The following CFAP46 variants were observed in gnomAD, a reference collection of about 807,000 sequenced individuals.
The protein encoded by CFAP46 is cilia and flagella associated protein 46, also known as cilia- and flagella-associated protein 46.
CFAP46 carries 245 observed loss-of-function variants against 325.7 expected under a neutral mutation model. The ratio of observed to expected loss-of-function variants is 0.75; its 90% CI spans 0.68 to 0.84. CFAP46 has a LOEUF of 0.84. Among genes scored for constraint, CFAP46 ranks in the 40% least tolerant of loss-of-function variants. The pLI is 0.00. For synonymous variants in CFAP46, 1,523 were observed against 1,495.9 expected (o/e 1.02, Z -0.42); for missense variants, 3,346 against 3,543.0 (o/e 0.94, Z 1.41).
intron 44 of CFAP46, among the ~76,000 whole-genome samples, chr10:132,843,993 T>C (rs1187244653): frequency 6.1e-5 from 7 of 114,606 alleles, no homozygotes; most frequent in African/African-American, 1.4e-4. Context: ...TCTCAGTGGG[T>C]GTTCCCAGGG....
At chr10:132,882,252 TGA>T (rs1849058617) in intron 27 of CFAP46, among the ~76,000 whole-genome samples, 1 of 148,822 alleles carries the variant, frequency 6.7e-6, no homozygotes, top group Non-Finnish European at 1.5e-5. Flanking sequence ...GTGGAGTGTG[TGA>T]GTTGTGTGTG....
chr10:132,912,245 CCT>C (rs367817497), intron 19 of CFAP46, among the ~76,000 whole-genome samples: 63 of 127,264 alleles, frequency 5.0e-4, no homozygotes, highest in Non-Finnish European at 9.7e-4. Flanking sequence ...TGTCCTCTTT[CCT>C]CTCTCTCTCT....
chr10:132,877,091 G>C lies in CFAP46; in HGVS notation c.4213-130C>G. Reference sequence around the variant, plus strand: ...GCAGCCGGCATCCTCCCCACCACCAGGTCCCAGCGAGTGCCCAGATCCAGC... The same window carrying C: ...GCAGCCGGCATCCTCCCCACCACCACGTCCCAGCGAGTGCCCAGATCCAGC... On this transcript the variant is annotated intron_variant, in intron 30 of 57. Transcript: ENST00000368586. The surrounding 1 kb of genome is among the most constrained non-coding windows in gnomAD (Gnocchi z 5.7). 2.3e-6 allele frequency: 2 copies of C among 876,118 alleles called. No homozygotes were observed. Among genetic ancestry groups the C allele is most frequent in the Non-Finnish European group, 3.5e-6 (2 of 576,822 alleles). 54.3% of individuals were successfully genotyped at this position (876,118 alleles called of 1,614,324 possible).
intron 20 of CFAP46, 41 bp from the exon 21 acceptor site, chr10:132,909,285 CG>C: frequency 2.2e-6 from 3 of 1,393,992 alleles, no homozygotes; most frequent in Non-Finnish European, 2.0e-6. Context: ...CCCAAGCGTG[CG>C]GGGGGAGTCT....
intron 8 of CFAP46, 86 bp from the exon 9 acceptor site, chr10:132,929,890 A>G: frequency 1.1e-6 from 1 of 896,200 alleles, no homozygotes; most frequent in South Asian, 1.6e-5. Flanking sequence ...CCCCCGTTCA[A>G]GCAGAAGCAG....
At chr10:132,932,804 C>T (rs552188935) in intron 8 of CFAP46, among the ~76,000 whole-genome samples, 4 of 152,368 alleles carry the variant, frequency 2.6e-5, no homozygotes, top group South Asian at 4.1e-4. Context: ...AAGAGCACAG[C>T]GGGTGCTCTC....
At chr10:132,835,875 G>A (rs951526988) in intron 46 of CFAP46, among the ~76,000 whole-genome samples, 3 of 13,230 alleles carry the variant, frequency 2.3e-4, no homozygotes, top group African/African-American at 6.1e-4. Context: ...CTCCCCTCCC[G>A]CCCCTGCTCC....
At position 132,920,076 on chromosome 10, in the gene CFAP46, G is replaced by A. The variant is rs1426659909; in HGVS notation, c.1713C>T (p.Asn571=). 3.6e-5 allele frequency: 55 copies of A among 1,545,836 alleles called. No individual in the cohort carries two copies. Among genetic ancestry groups the A allele is most frequent in the Non-Finnish European group, 4.5e-5 (51 of 1,145,254 alleles). Residue 571 remains asparagine (N), a synonymous_variant, in exon 14 of 58, where the codon AAC becomes AAT. Transcript: ENST00000368586. ...TCACTCACCTCTCCTTGTCGTTTTC[G>A]TTGCCCAGGCGCCGCAGGTGCCCGG... ...KAAGHLRRLG[N]ENDKERIQIW... is the part of the protein sequence containing the mutation.
intron 27 of CFAP46, among the ~76,000 whole-genome samples, chr10:132,882,160 TGA>T (rs1274206069): frequency 4.9e-5 from 7 of 143,454 alleles, no homozygotes; most frequent in Non-Finnish European, 1.1e-4. Flanking sequence ...ATGTGGGGTG[TGA>T]GTGGTGTGTG....
chr10:132,829,073 T>C (rs1342229817), intron 50 of CFAP46, among the ~76,000 whole-genome samples: 2 of 138,240 alleles, frequency 1.4e-5, no homozygotes, highest in Non-Finnish European at 3.1e-5. Flanking sequence ...AATAAGCTTG[T>C]TAACTTCTAC....
Position 132,851,107 on chromosome 10 carries a change from C to T in CFAP46, c.5763+10G>A. 1.2e-6 allele frequency: 2 copies of T among 1,613,466 alleles called. No homozygotes were observed. Among genetic ancestry groups the T allele is most frequent in the African/African-American group, 1.3e-5 (1 of 75,040 alleles). On this transcript the variant is annotated intron_variant, in intron 40 of 57. Coordinates refer to ENST00000368586, the MANE Select transcript of CFAP46 (RefSeq NM_001200049.3). ...TCCCTCCACCGGGAATCTGTGACCC[C>T]AGCAATTACCAGGCCGACGGAAGTG...
intron 22 of CFAP46, among the ~76,000 whole-genome samples, chr10:132,902,544 T>C (rs1332716525): frequency 6.6e-6 from 1 of 152,258 alleles, no homozygotes; most frequent in Non-Finnish European, 1.5e-5. Flanking sequence ...GTTATTTCCA[T>C]TGAAAATCTG....
At chr10:132,846,292 C>A (rs542499174) in intron 43 of CFAP46, 65 bp from the exon 44 acceptor site, 2 of 1,543,348 alleles carry the variant, frequency 1.3e-6, no homozygotes, top group Non-Finnish European at 1.8e-6. Context: ...TTGCACCCTG[C>A]GGAGGGTGCG....
At chr10:132,897,808 G>A (rs1849338379) in intron 24 of CFAP46, among the ~76,000 whole-genome samples, 1 of 152,240 alleles carries the variant, frequency 6.6e-6, no homozygotes, top group African/African-American at 2.4e-5. Flanking sequence ...ACTGGATGAG[G>A]AGGCAGTCCC....
At chr10:132,810,364 C>G (rs578017904) in intron 57 of CFAP46, 45 bp downstream of exon 57, 1 of 1,552,794 alleles carries the variant, frequency 6.4e-7, no homozygotes, top group Admixed American at 1.7e-5. Context: ...GCAGTGGCTG[C>G]AGAGGGTGCT....
At chr10:132,937,772 CAA>C in intron 5 of CFAP46, 97 bp from the exon 6 acceptor site, 2 of 1,488,650 alleles carry the variant, frequency 1.3e-6, no homozygotes, top group Non-Finnish European at 1.8e-6. Flanking sequence ...TTGTGTTTCA[CAA>C]AGTTTAAAAG....
chr10:132,931,810 G>A (rs1271189068), intron 8 of CFAP46, among the ~76,000 whole-genome samples: 1 of 136,516 alleles, frequency 7.3e-6, no homozygotes, highest in African/African-American at 2.8e-5. Context: ...TCCCCACACA[G>A]AGCCTGGGCC....
rs781611855 is a variant in CFAP46 at position 132,814,245 on chromosome 10, G to C, written c.7295C>G (p.Thr2432Ser). Reference protein sequence around the residue: ...YEEAQGPEMLTPVSITQDILE... With the variant: ...YEEAQGPEMLSPVSITQDILE... ...AATGTCTTGGGTGATGGAGACAGGA[G>C]TTAGCATTTCTGCAAGGAGAACAGG... The change falls in exon 54 of 58, where the codon ACT (threonine) becomes AGT (serine). Residue 2432 changes from threonine to serine, a missense_variant. Physicochemically the swap from Thr to Ser is moderately conservative, Grantham distance 58 (BLOSUM62 1). Coordinates refer to ENST00000368586, the MANE Select transcript of CFAP46 (RefSeq NM_001200049.3). The C allele has an allele frequency of 1.9e-6, 3 of 1,613,092 alleles. No homozygotes were observed. In the South Asian group the frequency reaches 3.3e-5, roughly 18 times the overall value.
intron 10 of CFAP46, among the ~76,000 whole-genome samples, chr10:132,925,444 A>T (rs1321557241): frequency 6.6e-6 from 1 of 152,180 alleles, no homozygotes; most frequent in Non-Finnish European, 1.5e-5. Flanking sequence ...CCATCCTGCC[A>T]CTTGGCTGCT....
Sources: allele counts gnomAD v4.1 joint callset (sites outside exome capture counted in the v4.1 genomes callset), GRCh38; gene constraint gnomAD v4.1.1; non-coding constraint Gnocchi (gnomAD v3.1); transcripts MANE v1.5; gene names NCBI Gene and HGNC (gene_info 2026-07-23, HGNC 2026-07-21).